The following ANKRD55 variants were observed in gnomAD, a reference collection of about 807,000 sequenced individuals.
ANKRD55 encodes ankyrin repeat domain 55.
A neutral mutation model predicts 60.6 loss-of-function variants in ANKRD55; 41 were observed. The observed-to-expected ratio is 0.68, with a 90% CI of 0.53 to 0.88. ANKRD55 has a LOEUF of 0.88. Among genes scored for constraint, ANKRD55 ranks in the 40% least tolerant of loss-of-function variants. ANKRD55 has a pLI of 0.00. For synonymous variants in ANKRD55, 264 were observed against 290.3 expected (o/e 0.91, Z 0.92); for missense variants, 732 against 767.6 (o/e 0.95, Z 0.55).
rs550863129 is a variant in ANKRD55 at position 56,127,338 on chromosome 5, T to C, written c.613-232A>G. The C allele has an allele frequency of 1.0e-4, 101 of 985,402 alleles. No individual in the cohort carries two copies. The African/African-American group carries it at 1.7e-3, about 16-fold the overall frequency. The allele number at this position is 985,402 out of a possible 1,614,324, so 61.0% of individuals were successfully genotyped here. A position where few individuals can be genotyped will look rare whatever the true frequency, so the allele number is the denominator to read the frequency against. On this transcript the variant is annotated intron_variant, in intron 7 of 11. Coordinates refer to ENST00000341048, the MANE Select transcript of ANKRD55 (RefSeq NM_024669.3). The stretch of plus-strand genomic sequence containing the variant: ...AGAGATTTTTGTCTCCCACAGGAGC[T>C]AAATTGTCTTCCATAACTAGTGAAC...
intron 2 of ANKRD55, among the ~76,000 whole-genome samples, chr5:56,196,542 T>C (rs940572010): frequency 6.6e-6 from 1 of 152,244 alleles, no homozygotes; most frequent in Admixed American, 6.5e-5. Flanking sequence ...TAAAGTAACT[T>C]TGCCACTTTC....
At chr5:56,147,680 T>C (rs1474740618) in intron 6 of ANKRD55, among the ~76,000 whole-genome samples, 1 of 152,222 alleles carries the variant, frequency 6.6e-6, no homozygotes, top group African/African-American at 2.4e-5. Context: ...AAATGGGCTG[T>C]GAACACTCAG....
chr5:56,123,971 G>C (rs924928433), intron 8 of ANKRD55, among the ~76,000 whole-genome samples: 10 of 152,154 alleles, frequency 6.6e-5, no homozygotes, highest in Non-Finnish European at 1.3e-4. Flanking sequence ...ATTCAGCAGA[G>C]ACAAGAGTGG....
chr5:56,168,240 G>A (rs976889118), intron 5 of ANKRD55, among the ~76,000 whole-genome samples: 2 of 152,144 alleles, frequency 1.3e-5, no homozygotes, highest in Non-Finnish European at 2.9e-5. Flanking sequence ...CTTAATCTGC[G>A]GTTTCGCTTT....
chr5:56,108,981 G>T (rs182179282), intron 10 of ANKRD55, among the ~76,000 whole-genome samples: 2 of 151,902 alleles, frequency 1.3e-5, no homozygotes, highest in Non-Finnish European at 2.9e-5. Flanking sequence ...ATGTTGCAGT[G>T]AGCCGAGATC....
chr5:56,222,968 GCAGGCCAACATTCAAATT>G (rs949716238), intron 2 of ANKRD55, among the ~76,000 whole-genome samples: 51 of 152,142 alleles, frequency 3.4e-4, no homozygotes, highest in Non-Finnish European at 2.9e-5. Context: ...ACCTAGGAAG[GCAGGCCAACATTCAAATT>G]CAGGAAATAC....
intron 3 of ANKRD55, 151 bp downstream of exon 3, chr5:56,183,361 T>A: frequency 2.0e-6 from 2 of 1,011,364 alleles, no homozygotes; most frequent in Non-Finnish European, 2.8e-6. Flanking sequence ...AACTGATGAC[T>A]TCATTATAAG....
At chr5:56,223,188 G>A (rs1160892308) in intron 2 of ANKRD55, among the ~76,000 whole-genome samples, 3 of 152,300 alleles carry the variant, frequency 2.0e-5, no homozygotes, top group East Asian at 3.9e-4. Context: ...AAGAGAGTGA[G>A]GGCCAATATT....
At position 56,166,107 on chromosome 5, in the gene ANKRD55, T is replaced by TTTC. The variant is rs1561277637; in HGVS notation, c.422+4584_422+4586dup. ...TTCTTTTTCTTTCTTTCTTTCTTTC[T>TTTC]TTCTTTCTTTCTTTCTTTCTTTCTT... On this transcript the variant is annotated intron_variant, in intron 5 of 11. Coordinates refer to ENST00000341048, the MANE Select transcript of ANKRD55 (RefSeq NM_024669.3). Among the ~76,000 whole-genome samples, 73 of 61,424 alleles carry TTTC rather than the reference T, an allele frequency of 1.2e-3. 1 individual carries two copies. Among genetic ancestry groups the TTTC allele is most frequent in the Middle Eastern group, 6.2e-3 (1 of 162 alleles). 40.3% of individuals were successfully genotyped at this position (61,424 alleles called of 152,430 possible).
intron 7 of ANKRD55, among the ~76,000 whole-genome samples, chr5:56,138,543 A>T (rs1757672202): frequency 6.6e-6 from 1 of 152,232 alleles, no homozygotes; most frequent in South Asian, 2.1e-4. Flanking sequence ...CTGCACACAG[A>T]TGTTTATAGT....
chr5:56,185,824 G>C (rs756570070), intron 2 of ANKRD55, among the ~76,000 whole-genome samples: 4 of 152,204 alleles, frequency 2.6e-5, no homozygotes, highest in African/African-American at 9.7e-5. Context: ...CTCTGTCCCA[G>C]TATTTTTGGG....
rs150965673 is a variant in ANKRD55, at chr5:56,221,262, A to T, written c.58+11594T>A. Among the ~76,000 whole-genome samples, 142 of 152,320 alleles carry T rather than the reference A, an allele frequency of 9.3e-4. 3 individuals carry two copies. In the Middle Eastern group the frequency reaches 0.027, roughly 29 times the overall value. On this transcript the variant is annotated intron_variant, in intron 2 of 11. Coordinates refer to ENST00000341048, the MANE Select transcript of ANKRD55 (RefSeq NM_024669.3). ...CTTCCTTTGTAGGCATCTGGTTGTC[A>T]TGCCAGATTTTTAACTTTTGCTTTT...
intron 8 of ANKRD55, 94 bp downstream of exon 8, chr5:56,126,828 T>C (rs1757273370): frequency 7.4e-7 from 1 of 1,358,232 alleles, no homozygotes; most frequent in Admixed American, 2.3e-5. Flanking sequence ...GGGATATAGC[T>C]GTATAGGACA....
At chr5:56,231,686 C>T (rs56199217) in intron 2 of ANKRD55, among the ~76,000 whole-genome samples, 1 of 110,884 alleles carries the variant, frequency 9.0e-6, no homozygotes, top group Non-Finnish European at 1.7e-5. Flanking sequence ...CACACACACA[C>T]ACACACACAC....
At chr5:56,117,557 G>A (rs112037462) in intron 8 of ANKRD55, among the ~76,000 whole-genome samples, 17,615 of 151,960 alleles carry the variant, frequency 0.12, 1,658 homozygotes, top group African/African-American at 0.25. Flanking sequence ...AGGTTCAAGC[G>A]ATTCTCCCAC....
At chr5:56,144,011 C>G in intron 6 of ANKRD55, 82 bp from the exon 7 acceptor site, 1 of 1,580,776 alleles carries the variant, frequency 6.3e-7, no homozygotes, top group Admixed American at 1.7e-5. Context: ...CTCCTCAGGC[C>G]TGGGGGCCAT....
At chr5:56,228,618 T>G (rs1760175051) in intron 2 of ANKRD55, among the ~76,000 whole-genome samples, 1 of 151,976 alleles carries the variant, frequency 6.6e-6, no homozygotes, top group African/African-American at 2.4e-5. Context: ...AGAGACAGGG[T>G]TTCACCATGT....
In ANKRD55 at chr5:56,208,638, G is replaced by C. The variant is rs559736454; in HGVS notation, c.58+24218C>G. 3.9e-4 allele frequency among the ~76,000 whole-genome samples: 59 copies of C among 152,218 alleles called. No individual in the cohort carries two copies. In the South Asian group the frequency reaches 0.011, roughly 29 times the overall value. Reference sequence around the variant, plus strand: ...TGGGTTTTGCCATGTTGGCCAGTCCGGTCTTGAACTCCTGACCTCAGGTGA... The same window carrying C: ...TGGGTTTTGCCATGTTGGCCAGTCCCGTCTTGAACTCCTGACCTCAGGTGA... On this transcript the variant is annotated intron_variant, in intron 2 of 11. Transcript: ENST00000341048.
chr5:56,146,179 G>A (rs747824523), intron 6 of ANKRD55, among the ~76,000 whole-genome samples: 4 of 152,130 alleles, frequency 2.6e-5, no homozygotes, highest in Non-Finnish European at 4.4e-5. Flanking sequence ...TGAGAGCAGG[G>A]CCTTTGTTTG....
Sources: gnomAD v4.1 joint callset for allele counts (sites outside exome capture counted in the v4.1 genomes callset) on GRCh38, gnomAD v4.1.1 for gene constraint, MANE v1.5 for transcripts, NCBI Gene and HGNC (gene_info 2026-07-23, HGNC 2026-07-21) for gene names.